The following MRAP2 variants were observed in gnomAD, a reference collection of about 807,000 sequenced individuals.
The protein encoded by MRAP2 is melanocortin 2 receptor accessory protein 2.
In MRAP2, 20 loss-of-function variants were observed where a neutral mutation model predicts 17.4. That is an observed-to-expected ratio of 1.15 (90% CI 0.81 to 1.67). MRAP2 has a LOEUF of 1.67. Among genes scored for constraint, MRAP2 ranks in the 40% most tolerant of loss-of-function variants. The pLI, the probability that MRAP2 is intolerant of heterozygous loss-of-function variation, is 0.00. For synonymous variants in MRAP2, 96 were observed against 88.4 expected, an observed-to-expected ratio of 1.09 and a Z score of -0.48; for missense variants, 238 against 240.0, an observed-to-expected ratio of 0.99 and a Z score of 0.05.
the MRAP2 span, among the ~76,000 whole-genome samples, chr6:84,115,386 C>T: frequency 6.6e-6 from 1 of 152,188 alleles, no homozygotes; most frequent in Non-Finnish European, 1.5e-5. Flanking sequence ...AGAGTGAAAC[C>T]TCCTACTCAG....
the MRAP2 span, among the ~76,000 whole-genome samples, chr6:84,120,930 C>T: frequency 1.3e-5 from 2 of 152,184 alleles, no homozygotes; most frequent in East Asian, 1.9e-4. Flanking sequence ...TATGGCTAGT[C>T]CAAACTGCGA....
the MRAP2 span, among the ~76,000 whole-genome samples, chr6:84,109,247 A>G: frequency 2.6e-5 from 4 of 152,298 alleles, no homozygotes; most frequent in African/African-American, 9.6e-5. Flanking sequence ...CACTGAATCT[A>G]TACATTGCTT....
chr6:84,101,710 A>G, the MRAP2 span, among the ~76,000 whole-genome samples: 1 of 152,232 alleles, frequency 6.6e-6, no homozygotes. Context: ...ATTTCATCCT[A>G]AAGTAGAAAC....
intron 1 of MRAP2, among the ~76,000 whole-genome samples, chr6:84,036,382 G>A (rs2099485974): frequency 6.6e-6 from 1 of 152,142 alleles, no homozygotes; most frequent in Admixed American, 6.5e-5. Context: ...TGAAATTGGT[G>A]GGTTCTTGGT....
chr6:84,145,528 G>A, the MRAP2 span, among the ~76,000 whole-genome samples: 1 of 152,078 alleles, frequency 6.6e-6, no homozygotes, highest in Non-Finnish European at 1.5e-5. Context: ...TTAGAAAACT[G>A]TAACACACCC....
intron 3 of MRAP2, among the ~76,000 whole-genome samples, chr6:84,086,208 G>A (rs2129175739): frequency 6.6e-6 from 1 of 152,324 alleles, no homozygotes; most frequent in Non-Finnish European, 1.5e-5. Context: ...AGTAAAAGAA[G>A]ACAAAGTTTT....
At chr6:84,088,737 A>G (rs753639152) in intron 3 of MRAP2, among the ~76,000 whole-genome samples, 2 of 152,186 alleles carry the variant, frequency 1.3e-5, no homozygotes, top group Admixed American at 6.5e-5. Flanking sequence ...AGGGTCTGTG[A>G]CCCAGGAATC....
At chr6:84,111,396 GCT>G in the MRAP2 span, among the ~76,000 whole-genome samples, 13,113 of 151,872 alleles carry the variant, frequency 0.086, 1,448 homozygotes, top group African/African-American at 0.26. Context: ...TCATGATTTG[GCT>G]CTCTCTTTGT....
chr6:84,134,202 C>A, the MRAP2 span, among the ~76,000 whole-genome samples: 1 of 152,200 alleles, frequency 6.6e-6, no homozygotes, highest in Non-Finnish European at 1.5e-5. Context: ...GTGGATGCCA[C>A]TCCCCCCACC....
chr6:84,076,717 A>G (rs1455806820), intron 3 of MRAP2, among the ~76,000 whole-genome samples: 1 of 152,156 alleles, frequency 6.6e-6, no homozygotes, highest in Non-Finnish European at 1.5e-5. Flanking sequence ...TCAGGTGCCC[A>G]CAGGCTGATC....
At chr6:84,094,571 G>T (rs1207952419), downstream of MRAP2, among the ~76,000 whole-genome samples, 1 of 152,098 alleles carries the variant, frequency 6.6e-6, no homozygotes, top group Non-Finnish European at 1.5e-5. Context: ...ATGTAACAAG[G>T]ATCTCCTTTT....
chr6:84,085,379 A>G (rs891602076), intron 3 of MRAP2, among the ~76,000 whole-genome samples: 1 of 152,126 alleles, frequency 6.6e-6, no homozygotes, highest in Non-Finnish European at 1.5e-5. Context: ...AATTTCTTAA[A>G]AGCAAAGAAA....
At chr6:84,068,484 C>A (rs1249078323) in intron 3 of MRAP2, among the ~76,000 whole-genome samples, 4 of 152,132 alleles carry the variant, frequency 2.6e-5, no homozygotes, top group African/African-American at 9.7e-5. Context: ...GCAGTATAGT[C>A]ATTTTTACAA....
In MRAP2 at chr6:84,063,068, GGA is replaced by G. The variant is rs2099493602; in HGVS notation, c.227+78_227+79del. 1.9e-6 allele frequency: 3 copies of G among 1,596,070 alleles called. No homozygotes were observed. The Admixed American group carries it at 5.2e-5, about 27-fold the overall frequency. On this transcript the variant is annotated intron_variant, in intron 3 of 3. Transcript: ENST00000257776. The stretch of plus-strand genomic sequence containing the variant: ...GAAATAGAAACTACTACCCAGGGCC[GGA>G]GGTGCTTCCCGTGGATGAAGAGAAG...
the MRAP2 span, among the ~76,000 whole-genome samples, chr6:84,125,650 C>A: frequency 6.6e-6 from 1 of 152,038 alleles, no homozygotes; most frequent in African/African-American, 2.4e-5. Context: ...AGTGATCTCT[C>A]GCCCCTCTTC....
At position 84,089,101 on chromosome 6, in the gene MRAP2, T is replaced by A. The variant is rs774522093; in HGVS notation, c.238T>A (p.Ser80Thr). 4 of 1,610,606 alleles carry A rather than the reference T, an allele frequency of 2.5e-6. No individual in the cohort carries two copies. Among genetic ancestry groups the A allele is most frequent in the South Asian group, 1.1e-5 (1 of 90,858 alleles). ...TGAPHQDNAE[S>T]SEKRFRMNSF... ...TCTTTTTTTAAATAGCAATGCAGAG[T>A]CCTCAGAGAAGAGATTCAGAATGAA... Residue 80 changes from serine to threonine, a missense_variant, in exon 4 of 4, where the codon TCC (serine) becomes ACC (threonine). Transcript: ENST00000257776.
At chr6:84,068,384 A>G (rs959623618) in intron 3 of MRAP2, among the ~76,000 whole-genome samples, 6 of 152,056 alleles carry the variant, frequency 3.9e-5, no homozygotes, top group African/African-American at 1.5e-4. Context: ...TTTTTGTTCC[A>G]TATGAATTTT....
the MRAP2 span, among the ~76,000 whole-genome samples, chr6:84,096,945 A>G: frequency 1.3e-5 from 2 of 152,228 alleles, no homozygotes; most frequent in South Asian, 2.1e-4. Context: ...ATTACAAACA[A>G]TAACAGGTGA....
intron 2 of MRAP2, among the ~76,000 whole-genome samples, chr6:84,062,318 A>G (rs2099493362): frequency 6.6e-6 from 1 of 152,212 alleles, no homozygotes; most frequent in African/African-American, 2.4e-5. Flanking sequence ...GTTCAAATCC[A>G]GCTGTTTCCG....
Sources: gnomAD v4.1 joint callset for allele counts (sites outside exome capture counted in the v4.1 genomes callset) on GRCh38, gnomAD v4.1.1 for gene constraint, MANE v1.5 for transcripts, NCBI Gene and HGNC (gene_info 2026-07-23, HGNC 2026-07-21) for gene names.